PRDM11: variants seen among roughly 807,000 people sequenced by gnomAD.
PRDM11 encodes PR domain-containing protein 11.
Under a neutral mutation model 97.8 loss-of-function variants are expected in PRDM11, and 20 were observed. That is an observed-to-expected ratio of 0.20 (90% confidence interval 0.14 to 0.30). The LOEUF is 0.30. Ranked by LOEUF, PRDM11 falls within the 10% of genes least tolerant of loss-of-function variation. The pLI is 1.00. For synonymous variants in PRDM11, 599 were observed against 637.7 expected, an observed-to-expected ratio of 0.94 and a Z score of 0.91; for missense variants, 1,139 against 1,555.2, an observed-to-expected ratio of 0.73 and a Z score of 4.50.
chr11:45,213,125 G>T (rs1206052054), intron 5 of PRDM11: 1 of 456,614 alleles, frequency 2.2e-6, no homozygotes, highest in South Asian at 1.5e-5. Flanking sequence ...TCGTGTCCAG[G>T]AACAGGATCG....
At chr11:45,180,143 C>T (rs1852431649) in intron 1 of PRDM11, among the ~76,000 whole-genome samples, 1 of 152,274 alleles carries the variant, frequency 6.6e-6, no homozygotes, top group Admixed American at 6.5e-5. Flanking sequence ...GTGTGGTCTG[C>T]ATGACCTTCG....
intron 1 of PRDM11, among the ~76,000 whole-genome samples, chr11:45,112,292 G>A (rs1272685678): frequency 1.3e-5 from 2 of 152,192 alleles, no homozygotes. Flanking sequence ...TTATGGCTGA[G>A]TAATATTCCA....
At chr11:45,214,859 G>C (rs930537400) in intron 5 of PRDM11, 1 of 152,144 alleles carries the variant, frequency 6.6e-6, no homozygotes, top group Admixed American at 6.5e-5. Flanking sequence ...TGGTGAGAAG[G>C]GCTCAAGTGC....
intron 1 of PRDM11, among the ~76,000 whole-genome samples, chr11:45,122,673 C>A (rs1029535186): frequency 2.6e-5 from 4 of 152,042 alleles, no homozygotes; most frequent in African/African-American, 4.8e-5. Flanking sequence ...ACATGAACTC[C>A]TCATTTTTTA....
chr11:45,113,577 T>C (rs1410075395), intron 1 of PRDM11, among the ~76,000 whole-genome samples: 2 of 152,222 alleles, frequency 1.3e-5, no homozygotes, highest in African/African-American at 2.4e-5. Flanking sequence ...TTCCTATCCA[T>C]GAGCATGGGA....
chr11:45,190,039 C>T (rs1045381180), intron 4 of PRDM11, among the ~76,000 whole-genome samples: 3 of 152,018 alleles, frequency 2.0e-5, no homozygotes, highest in Non-Finnish European at 4.4e-5. Context: ...GTAATGAATA[C>T]CCTCACACCT....
chr11:45,179,430 A>G (rs1408700092), intron 1 of PRDM11, among the ~76,000 whole-genome samples: 2 of 152,218 alleles, frequency 1.3e-5, no homozygotes, highest in East Asian at 1.9e-4. Flanking sequence ...ATGAGAACAC[A>G]GAGAAGTTAG....
At position 45,138,189 on chromosome 11, in the gene PRDM11, A is replaced by G. The variant is rs895064955; in HGVS notation, c.96+42288A>G. Among the ~76,000 whole-genome samples the G allele has an allele frequency of 1.3e-4, 20 of 152,300 alleles. No homozygotes were observed. The Middle Eastern group carries it at 0.01, about 78-fold the overall frequency. On this transcript the variant is annotated intron_variant, in intron 1 of 6. Transcript: ENST00000530656. ...AAAGGGAGCCCAATGAACAGGGGGGAAAAACTTGAAGAAGCAGGTAATACA... is the reference window on the plus strand; with the variant it reads ...AAAGGGAGCCCAATGAACAGGGGGGGAAAACTTGAAGAAGCAGGTAATACA...
chr11:45,180,753 AGCCCGCCCGC>A (rs1191284731), intron 1 of PRDM11, among the ~76,000 whole-genome samples: 2 of 148,934 alleles, frequency 1.3e-5, no homozygotes, highest in Admixed American at 6.7e-5. Context: ...AGAGGGGGAG[AGCCCGCCCGC>A]GCCCGCCCCG....
intron 1 of PRDM11, among the ~76,000 whole-genome samples, chr11:45,154,434 C>T (rs1304588158): frequency 1.3e-5 from 2 of 152,204 alleles, no homozygotes; most frequent in Non-Finnish European, 2.9e-5. Flanking sequence ...CCAGGAACCT[C>T]ACAGGTCAGA....
intron 1 of PRDM11, among the ~76,000 whole-genome samples, chr11:45,113,844 T>TTA (rs1852245284): frequency 6.7e-6 from 1 of 149,318 alleles, no homozygotes; most frequent in Non-Finnish European, 1.5e-5. Context: ...TTTTTTTTTT[T>TTA]ACAAAAAATC....
chr11:45,156,405 GGGCCCTGC>G (rs1328700782), intron 1 of PRDM11, among the ~76,000 whole-genome samples: 1 of 152,170 alleles, frequency 6.6e-6, no homozygotes, highest in Non-Finnish European at 1.5e-5. Context: ...GACTCTTGAT[GGGCCCTGC>G]ACCAGGTTCC....
chr11:45,177,357 C>T (rs750970691), intron 1 of PRDM11, among the ~76,000 whole-genome samples: 20 of 152,338 alleles, frequency 1.3e-4, no homozygotes, highest in African/African-American at 4.3e-4. Context: ...AGCCTGCCGA[C>T]CCCCCTTCCC....
intron 5 of PRDM11, 120 bp downstream of exon 5, chr11:45,204,898 G>C: frequency 9.6e-7 from 1 of 1,043,148 alleles, no homozygotes. Context: ...GCCGTTTGCA[G>C]GGTTTGGATG....
chr11:45,192,570 T>TTCTGAAC (rs2135763171), intron 4 of PRDM11, among the ~76,000 whole-genome samples: 1 of 152,340 alleles, frequency 6.6e-6, no homozygotes, highest in Admixed American at 6.5e-5. Flanking sequence ...TGAAAAATTA[T>TTCTGAAC]TCTGAACCTG....
At chr11:45,101,049 G>A (rs971710118) in intron 1 of PRDM11, among the ~76,000 whole-genome samples, 2 of 151,998 alleles carry the variant, frequency 1.3e-5, no homozygotes, top group African/African-American at 2.4e-5. Context: ...TGTTGGAAGT[G>A]GGGGGGTGGG....
At chr11:45,157,874 G>A (rs1851839733) in intron 1 of PRDM11, among the ~76,000 whole-genome samples, 1 of 152,226 alleles carries the variant, frequency 6.6e-6, no homozygotes, top group Non-Finnish European at 1.5e-5. Flanking sequence ...CCAGAGCCGT[G>A]TTCAGGGAAA....
chr11:45,181,670 C>T (rs956736972), intron 1 of PRDM11, 91 bp from the exon 2 acceptor site: 30 of 1,062,340 alleles, frequency 2.8e-5, no homozygotes, highest in Admixed American at 2.3e-4. Flanking sequence ...CCAGACTCCG[C>T]GAGACCCCCA....
chr11:45,232,933 G>T lies in PRDM11; in HGVS notation c.*4774G>T, dbSNP rs1854426132. ...CCCTTCCCCCCCACCCCCTCAAGTG[G>T]TATCACCCTGGAAATACCTATGCAA... On this transcript the variant is annotated 3_prime_UTR_variant, in exon 8 of 8. Transcript: ENST00000683152. 3 of 151,796 alleles carry T rather than the reference G, an allele frequency of 2.0e-5. No individual in the cohort carries two copies. The highest frequency in any genetic ancestry group is 4.4e-5 in the Non-Finnish European group (3 of 67,988). The allele number at this position is 151,796 out of a possible 1,614,324, so 9.4% of individuals were successfully genotyped here.
Sources: gnomAD v4.1 joint callset for allele counts (sites outside exome capture counted in the v4.1 genomes callset) on GRCh38, gnomAD v4.1.1 for gene constraint, MANE v1.5 for transcripts, NCBI Gene and HGNC (gene_info 2026-07-23, HGNC 2026-07-21) for gene names.